Variants in ARID4B observed in about 807,000 individuals in gnomAD.
ARID4B encodes AT-rich interaction domain 4B, also known as AT-rich interactive domain-containing protein 4B.
ARID4B carries 26 observed loss-of-function variants against 147.5 expected under a neutral mutation model. The observed-to-expected ratio is 0.18, with a 90% CI of 0.13 to 0.24. The LOEUF (loss-of-function observed/expected upper bound fraction) is 0.24. Ranked by LOEUF, ARID4B falls within the 10% of genes least tolerant of loss-of-function variation. The pLI is 1.00. For synonymous variants in ARID4B, 512 were observed against 507.9 expected (o/e 1.01, Z -0.11); for missense variants, 1,179 against 1,511.5 (o/e 0.78, Z 3.65).
At chr1:235,275,237 A>C (rs1671246032) in intron 2 of ARID4B, among the ~76,000 whole-genome samples, 1 of 152,208 alleles carries the variant, frequency 6.6e-6, no homozygotes, top group Admixed American at 6.5e-5. Context: ...TGTTCTGGCA[A>C]TATGCTTTGC....
chr1:235,213,558 T>A (rs1208199649), intron 17 of ARID4B, among the ~76,000 whole-genome samples: 1 of 105,824 alleles, frequency 9.4e-6, no homozygotes, highest in Non-Finnish European at 2.1e-5. Context: ...AGACCTCGGT[T>A]TTCTAGACAT....
chr1:235,178,517 T>C (rs1664049178), intron 20 of ARID4B, among the ~76,000 whole-genome samples: 1 of 152,186 alleles, frequency 6.6e-6, no homozygotes, highest in Non-Finnish European at 1.5e-5. Flanking sequence ...GGGAAATTAT[T>C]GCAAAACATT....
chr1:235,295,220 A>G (rs971125203), intron 2 of ARID4B, among the ~76,000 whole-genome samples: 6 of 152,292 alleles, frequency 3.9e-5, no homozygotes, highest in African/African-American at 1.4e-4. Flanking sequence ...AAGATAAAAA[A>G]TGATATAGGC....
At chr1:235,316,363 G>A (rs1674430606) in intron 2 of ARID4B, among the ~76,000 whole-genome samples, 1 of 151,492 alleles carries the variant, frequency 6.6e-6, no homozygotes, top group African/African-American at 2.4e-5. Context: ...CAAAAAATTA[G>A]CCAGGTGTTG....
chr1:235,302,029 T>C (rs1425777530), intron 2 of ARID4B, among the ~76,000 whole-genome samples: 1 of 150,640 alleles, frequency 6.6e-6, no homozygotes, highest in Non-Finnish European at 1.5e-5. Flanking sequence ...AAACGGGGTT[T>C]CGCCATGTTG....
chr1:235,236,833 A>AAAAAAAATAT (rs1175189621), intron 8 of ARID4B, among the ~76,000 whole-genome samples: 1 of 33,522 alleles, frequency 3.0e-5, no homozygotes, highest in Non-Finnish European at 4.7e-5. Flanking sequence ...TTTTATAAAA[A>AAAAAAAATAT]ATATATATAT....
Position 235,182,526 on chromosome 1 carries a change from T to C in ARID4B, c.2393A>G (p.Asp798Gly), listed in dbSNP as rs1309193211. 1 of 1,612,986 alleles carries C rather than the reference T, an allele frequency of 6.2e-7. No individual in the cohort carries two copies. The highest frequency in any genetic ancestry group is 1.1e-5 in the South Asian group (1 of 90,754). Residue 798 changes from aspartate (D) to glycine (G), a missense_variant, in exon 20 of 24, where the codon GAT becomes GGT. Around this residue, in one of 10 missense-constraint regions of ARID4B, gnomAD observed 321 missense variants for 342.4 expected, o/e 0.94. Transcript: ENST00000264183. ...ATCCTTTCTCTTTTTTGTGACTTCA[T>C]CTTCTTCATAATCAGTATCTTCGGA... is the stretch of plus-strand genomic sequence containing the variant. Reference protein sequence around the residue: ...VLSEDTDYEEDEVTKKRKDVK... With the variant: ...VLSEDTDYEEGEVTKKRKDVK...
intron 17 of ARID4B, 23 bp from the exon 18 acceptor site, chr1:235,196,138 T>C: frequency 3.2e-6 from 4 of 1,260,952 alleles, no homozygotes; most frequent in Non-Finnish European, 4.5e-6. Flanking sequence ...GAAATTAATA[T>C]AAATATGTAC....
intron 19 of ARID4B, among the ~76,000 whole-genome samples, chr1:235,183,217 CTTT>C (rs971994058): frequency 6.9e-6 from 1 of 144,528 alleles, no homozygotes. Context: ...TAATATTCTT[CTTT>C]TTTTTTTTTT....
rs1664335865 is a variant in ARID4B at position 235,181,894 on chromosome 1, C to T, written c.3025G>A (p.Ala1009Thr). The T allele has an allele frequency of 6.2e-7, 1 of 1,614,138 alleles. No individual in the cohort carries two copies. ...EKTVEVNDRKAEFPSSGSNSV... is the reference protein window; with the variant it reads ...EKTVEVNDRKTEFPSSGSNSV... ...TTACTGCCACTACTTGGAAATTCTGCTTTTCTGTCATTGACCTCTACTGTT... is the reference window on the plus strand; with the variant it reads ...TTACTGCCACTACTTGGAAATTCTGTTTTTCTGTCATTGACCTCTACTGTT... The change falls in exon 20 of 24, where the codon GCA (alanine) becomes ACA (threonine). Residue 1009 changes from alanine to threonine, a missense_variant. Coordinates refer to ENST00000264183, the MANE Select transcript of ARID4B (RefSeq NM_016374.6).
chr1:235,174,349 T>C (rs1244286469), intron 22 of ARID4B, among the ~76,000 whole-genome samples: 1 of 151,838 alleles, frequency 6.6e-6, no homozygotes, highest in Non-Finnish European at 1.5e-5. Flanking sequence ...ATATCAGAAA[T>C]ATCTAGTCAG....
At chr1:235,269,116 T>C (rs1173616316) in intron 2 of ARID4B, among the ~76,000 whole-genome samples, 1 of 152,204 alleles carries the variant, frequency 6.6e-6, no homozygotes, top group Non-Finnish European at 1.5e-5. Flanking sequence ...AAAAAGTTGG[T>C]AACAAATTAC....
At position 235,221,681 on chromosome 1, in the gene ARID4B, C is replaced by CAA; in HGVS notation, c.1066-21_1066-20dup. 7.3e-7 allele frequency: 1 copy of CAA among 1,362,836 alleles called. No homozygotes were observed. Among genetic ancestry groups the CAA allele is most frequent in the Non-Finnish European group, 1.0e-6 (1 of 958,056 alleles). The allele number at this position is 1,362,836 out of a possible 1,614,324, so 84.4% of individuals were successfully genotyped here. A position where few individuals can be genotyped will look rare whatever the true frequency, so the allele number is the denominator to read the frequency against. ...TTTCAATCTAATGGACAAAGTGAAA[C>CAA]AAAAACTCTCAAATTAAAAGGTGTT... is the stretch of plus-strand genomic sequence containing the variant. On this transcript the variant is annotated intron_variant, in intron 13 of 23. Coordinates refer to ENST00000264183, the MANE Select transcript of ARID4B (RefSeq NM_016374.6).
intron 2 of ARID4B, among the ~76,000 whole-genome samples, chr1:235,313,437 T>A (rs949543359): frequency 1.2e-4 from 18 of 152,280 alleles, no homozygotes; most frequent in African/African-American, 3.6e-4. Flanking sequence ...CAGCTTTTTT[T>A]AACTCCTCTC....
At chr1:235,187,093 T>C in intron 19 of ARID4B, 1 of 392,544 alleles carries the variant, frequency 2.5e-6, no homozygotes, top group Non-Finnish European at 4.9e-6. Flanking sequence ...TTTTTTTTTT[T>C]TTTTGTAGAC....
intron 2 of ARID4B, among the ~76,000 whole-genome samples, chr1:235,281,652 G>A (rs1671680077): frequency 6.6e-6 from 1 of 152,178 alleles, no homozygotes. Context: ...CAAGCCTGCA[G>A]TGAGTTGTTA....
intron 19 of ARID4B, among the ~76,000 whole-genome samples, chr1:235,190,609 A>C (rs1665027747): frequency 6.6e-6 from 1 of 152,224 alleles, no homozygotes; most frequent in Non-Finnish European, 1.5e-5. Flanking sequence ...AAAATACTGA[A>C]GGAAAAACTT....
intron 5 of ARID4B, among the ~76,000 whole-genome samples, chr1:235,253,052 T>C (rs568766917): frequency 6.6e-6 from 1 of 152,316 alleles, no homozygotes; most frequent in African/African-American, 2.4e-5. Context: ...TAAAACAGGA[T>C]ATACCAAATA....
intron 11 of ARID4B, 38 bp downstream of exon 11, chr1:235,229,189 TGTTA>T: frequency 6.3e-7 from 1 of 1,588,102 alleles, no homozygotes. Context: ...GAAACCCAAC[TGTTA>T]TTTATAATTT....
Sources: allele counts gnomAD v4.1 joint callset (sites outside exome capture counted in the v4.1 genomes callset), GRCh38; gene constraint gnomAD v4.1.1; regional missense constraint gnomAD v4.1.1; transcripts MANE v1.5; gene names NCBI Gene and HGNC (gene_info 2026-07-23, HGNC 2026-07-21).